SMAD3: variants seen among roughly 807,000 people sequenced by gnomAD.
The protein encoded by SMAD3 is MAD homolog 3.
SMAD3 carries 12 observed loss-of-function variants against 51.8 expected under a neutral mutation model. That is an observed-to-expected ratio of 0.23 (90% CI 0.15 to 0.38). The LOEUF (loss-of-function observed/expected upper bound fraction) is 0.38. SMAD3 is among the 10% of genes least tolerant of loss of function. SMAD3 has a pLI of 1.00. For synonymous variants in SMAD3, 238 were observed against 227.7 expected (o/e 1.05, Z -0.41); for missense variants, 294 against 565.6 (o/e 0.52, Z 4.87).
intron 1 of SMAD3, among the ~76,000 whole-genome samples, chr15:67,127,757 A>G (rs1020226781): frequency 6.6e-6 from 1 of 152,106 alleles, no homozygotes; most frequent in African/African-American, 2.4e-5. Context: ...GTACACGCTT[A>G]TGGTCAGTCT....
chr15:67,159,655 C>T (rs570278038), intron 1 of SMAD3, among the ~76,000 whole-genome samples: 5 of 139,168 alleles, frequency 3.6e-5, no homozygotes, highest in African/African-American at 8.6e-5. Flanking sequence ...TAATTGCTCC[C>T]TCCAATCCCT....
intron 1 of SMAD3, among the ~76,000 whole-genome samples, chr15:67,075,240 G>GT (rs1566959670): frequency 6.6e-6 from 1 of 152,262 alleles, no homozygotes; most frequent in East Asian, 1.9e-4. Flanking sequence ...TGGAAATTGG[G>GT]TTTTTCCTTT....
intron 7 of SMAD3, among the ~76,000 whole-genome samples, chr15:67,186,118 A>G (rs1963216497): frequency 1.3e-5 from 2 of 152,240 alleles, no homozygotes; most frequent in African/African-American, 4.8e-5. Context: ...TTGAGAGACA[A>G]GTTCAGAGAG....
At chr15:67,081,678 C>T (rs750877060) in intron 1 of SMAD3, among the ~76,000 whole-genome samples, 1 of 152,148 alleles carries the variant, frequency 6.6e-6, no homozygotes. Context: ...AGGGTGGCCA[C>T]AACTGTTGCA....
rs1963376643 is a variant in SMAD3 at position 67,191,907 on chromosome 15, G to A, written c.*1371G>A. 1 of 228,056 alleles carries A rather than the reference G, an allele frequency of 4.4e-6. No individual in the cohort carries two copies. The highest frequency in any genetic ancestry group is 2.2e-5 in the African/African-American group (1 of 45,014). The allele number at this position is 228,056 out of a possible 1,614,324, so 14.1% of individuals were successfully genotyped here. A position where few individuals can be genotyped will look rare whatever the true frequency, so the allele number is the denominator to read the frequency against. On this transcript the variant is annotated 3_prime_UTR_variant, in exon 9 of 9. Transcript: ENST00000327367. ...CAAGTACTGCTCCCAGCAGCAATTA[G>A]GGAGAAAACTAGTCTAAATTATTTC...
intron 1 of SMAD3, among the ~76,000 whole-genome samples, chr15:67,126,611 T>C (rs1358494128): frequency 6.6e-6 from 1 of 152,202 alleles, no homozygotes; most frequent in African/African-American, 2.4e-5. Context: ...TTAAGGCCCA[T>C]CTTCACCCCA....
chr15:67,145,067 A>T (rs938347162), intron 1 of SMAD3, among the ~76,000 whole-genome samples: 5 of 152,096 alleles, frequency 3.3e-5, no homozygotes, highest in African/African-American at 1.2e-4. Flanking sequence ...GGGAGTTGGA[A>T]ATGTACCCTC....
intron 1 of SMAD3, among the ~76,000 whole-genome samples, chr15:67,105,572 A>G (rs775667883): frequency 8.5e-5 from 13 of 152,202 alleles, no homozygotes; most frequent in Admixed American, 7.2e-4. Flanking sequence ...GGCCTTGAAG[A>G]ATGGCTACTG....
At position 67,103,543 on chromosome 15, in the gene SMAD3, T is replaced by C. The variant is rs1391755217; in HGVS notation, c.206+37183T>C. Among the ~76,000 whole-genome samples the C allele has an allele frequency of 3.3e-5, 5 of 152,196 alleles. No individual in the cohort carries two copies. In the South Asian group the frequency reaches 8.3e-4, roughly 25 times the overall value. On this transcript the variant is annotated intron_variant, in intron 1 of 8. Transcript: ENST00000327367. ...TTCTGGGGTAGGCGCTGTGCTGGTG[T>C]GTGCTACTGACCTGGAGTCCAGGAT...
intron 1 of SMAD3, among the ~76,000 whole-genome samples, chr15:67,159,483 C>CT (rs1317018796): frequency 6.6e-6 from 1 of 152,072 alleles, no homozygotes; most frequent in Non-Finnish European, 1.5e-5. Flanking sequence ...AGTCCATTGC[C>CT]TTTTTTTGGA....
intron 1 of SMAD3, among the ~76,000 whole-genome samples, chr15:67,134,108 G>A (rs1305653162): frequency 6.6e-6 from 1 of 152,154 alleles, no homozygotes; most frequent in Non-Finnish European, 1.5e-5. Context: ...GGTTTCAGAT[G>A]TGCTGGTGCT....
chr15:67,147,163 AAGAG>A (rs374240809), intron 1 of SMAD3, among the ~76,000 whole-genome samples: 5 of 151,566 alleles, frequency 3.3e-5, no homozygotes, highest in Non-Finnish European at 7.4e-5. Flanking sequence ...TAGAGGAGGG[AAGAG>A]AGAGAGAGAG....
intron 1 of SMAD3, among the ~76,000 whole-genome samples, chr15:67,147,430 T>C (rs1023213583): frequency 1.3e-5 from 2 of 152,116 alleles, no homozygotes; most frequent in Non-Finnish European, 2.9e-5. Context: ...GCCATAGTTT[T>C]GGGGTCATGA....
At position 67,183,029 on chromosome 15, in the gene SMAD3, A is replaced by ATT. The variant is rs1567000858; in HGVS notation, c.871+1577_871+1578insTT. On this transcript the variant is annotated intron_variant, in intron 6 of 8. Transcript: ENST00000327367. ...TATATATATATATATATATATATAT[A>ATT]TATTTTTTTTTTTTTTTTTTTTGGA... 1.2e-3 allele frequency among the ~76,000 whole-genome samples: 57 copies of ATT among 48,112 alleles called. 1 individual carries two copies. The highest frequency in any genetic ancestry group is 4.3e-3 in the East Asian group (5 of 1,156). 31.6% of individuals were successfully genotyped at this position (48,112 alleles called of 152,430 possible).
intron 1 of SMAD3, among the ~76,000 whole-genome samples, chr15:67,151,406 C>G (rs1415131237): frequency 3.3e-5 from 5 of 152,078 alleles, no homozygotes; most frequent in Non-Finnish European, 7.4e-5. Context: ...AATCTCGGCT[C>G]ACTGCAACCT....
At chr15:67,184,103 T>C (rs1227457084) in intron 6 of SMAD3, among the ~76,000 whole-genome samples, 2 of 143,908 alleles carry the variant, frequency 1.4e-5, no homozygotes, top group Non-Finnish European at 3.1e-5. Context: ...ATCATTCCCT[T>C]TTTTTTTTTT....
In SMAD3 at chr15:67,109,903, C is replaced by T. The variant is rs115432162; in HGVS notation, c.206+43543C>T. Among the ~76,000 whole-genome samples, 648 of 152,324 alleles carry T rather than the reference C, an allele frequency of 4.3e-3. 7 individuals carry two copies. The highest frequency in any genetic ancestry group is 0.015 in the African/African-American group (611 of 41,572). The stretch of plus-strand genomic sequence containing the variant: ...CTCCACGGCCCACTTCCCACCCACC[C>T]GGGTCTCCAGATAACATGAAGCCAT... On this transcript the variant is annotated intron_variant, in intron 1 of 8. Coordinates refer to ENST00000327367, the MANE Select transcript of SMAD3 (RefSeq NM_005902.4).
chr15:67,102,422 G>A (rs1960782148), intron 1 of SMAD3, among the ~76,000 whole-genome samples: 1 of 152,172 alleles, frequency 6.6e-6, no homozygotes, highest in Non-Finnish European at 1.5e-5. Context: ...GCTCAGAAAT[G>A]TGTGAAAACC....
rs77437742 is a variant in SMAD3 at position 67,134,545 on chromosome 15, G to T, written c.207-30350G>T. 3.2e-3 allele frequency among the ~76,000 whole-genome samples: 480 copies of T among 149,500 alleles called. 1 individual carries two copies. The highest frequency in any genetic ancestry group is 5.9e-3 in the Non-Finnish European group (394 of 66,754). On this transcript the variant is annotated intron_variant, in intron 1 of 8. Coordinates refer to ENST00000327367, the MANE Select transcript of SMAD3 (RefSeq NM_005902.4). ...GCTTCAGTGTTGTCTTACGCTCGGG[G>T]TGCCTTAAAGGGCTTACAGCGACCC...
Sources: allele counts gnomAD v4.1 joint callset (sites outside exome capture counted in the v4.1 genomes callset), GRCh38; gene constraint gnomAD v4.1.1; transcripts MANE v1.5; gene names NCBI Gene and HGNC (gene_info 2026-07-23, HGNC 2026-07-21).